The following ARSJ variants were observed in gnomAD, a reference collection of about 807,000 sequenced individuals.
ARSJ encodes the protein arylsulfatase family member J.
ARSJ carries 26 observed loss-of-function variants against 35.9 expected under a neutral mutation model. The observed-to-expected ratio is 0.72, with a 90% confidence interval of 0.53 to 1.00. The LOEUF (loss-of-function observed/expected upper bound fraction) is 1.00. Among genes scored for constraint, ARSJ ranks in the 50% least tolerant of loss-of-function variants. The pLI is 0.00. For synonymous variants in ARSJ, 294 were observed against 267.6 expected (o/e 1.10, Z -0.96); for missense variants, 667 against 723.6 (o/e 0.92, Z 0.90).
At chr4:113,905,446 C>T (rs1053135844) in intron 1 of ARSJ, among the ~76,000 whole-genome samples, 5 of 152,068 alleles carry the variant, frequency 3.3e-5, no homozygotes, top group Non-Finnish European at 1.5e-5. Flanking sequence ...AATTGCAACA[C>T]ACACTGATGT....
intron 1 of ARSJ, among the ~76,000 whole-genome samples, chr4:113,906,333 A>G (rs1178892803): frequency 1.3e-5 from 2 of 152,236 alleles, no homozygotes; most frequent in Admixed American, 1.3e-4. Flanking sequence ...GAGGCTTATG[A>G]AAAACATAAA....
At chr4:113,976,598 T>C (rs1179399771) in intron 1 of ARSJ, among the ~76,000 whole-genome samples, 2 of 152,222 alleles carry the variant, frequency 1.3e-5, no homozygotes, top group Non-Finnish European at 2.9e-5. Context: ...TGTGTTCATT[T>C]AAATGAAGGT....
chr4:113,946,879 GTTTAC>G (rs1394126781), intron 1 of ARSJ, among the ~76,000 whole-genome samples: 4 of 152,020 alleles, frequency 2.6e-5, no homozygotes, highest in East Asian at 3.9e-4. Flanking sequence ...TCTAAAATTT[GTTTAC>G]TTTATCAATT....
intron 1 of ARSJ, among the ~76,000 whole-genome samples, chr4:113,942,161 G>A (rs1010878384): frequency 5.3e-5 from 8 of 151,952 alleles, no homozygotes; most frequent in South Asian, 4.1e-4. Flanking sequence ...AGTGATAAAG[G>A]TTGGAAAAGC....
intron 1 of ARSJ, among the ~76,000 whole-genome samples, chr4:113,921,603 C>T (rs1419435986): frequency 2.0e-5 from 3 of 151,976 alleles, no homozygotes; most frequent in Non-Finnish European, 2.9e-5. Context: ...ATTTGTTCAC[C>T]CAGGCTGTAA....
intron 1 of ARSJ, among the ~76,000 whole-genome samples, chr4:113,942,116 G>A (rs1001801979): frequency 2.0e-5 from 3 of 151,878 alleles, no homozygotes; most frequent in Non-Finnish European, 4.4e-5. Context: ...GTGTAAGAAC[G>A]GTCAAGTTAA....
chr4:113,932,986 A>C (rs1246538273), intron 1 of ARSJ, among the ~76,000 whole-genome samples: 1 of 152,028 alleles, frequency 6.6e-6, no homozygotes, highest in African/African-American at 2.4e-5. Context: ...AAGAAAACAG[A>C]GAAGACCTAA....
chr4:113,964,950 G>GA (rs1053120248), intron 1 of ARSJ, among the ~76,000 whole-genome samples: 4 of 151,970 alleles, frequency 2.6e-5, no homozygotes, highest in Non-Finnish European at 4.4e-5. Context: ...AATATATGTG[G>GA]AAAAAAATTA....
chr4:113,948,842 T>A (rs1002551314), intron 1 of ARSJ, among the ~76,000 whole-genome samples: 1 of 152,126 alleles, frequency 6.6e-6, no homozygotes, highest in African/African-American at 2.4e-5. Flanking sequence ...ATTTTCTGTA[T>A]CTCTTCATTG....
At chr4:113,966,270 T>C (rs1726887158) in intron 1 of ARSJ, among the ~76,000 whole-genome samples, 1 of 152,078 alleles carries the variant, frequency 6.6e-6, no homozygotes, top group South Asian at 2.1e-4. Context: ...GTCAAGTAAA[T>C]TGTGCACTTT....
intron 1 of ARSJ, among the ~76,000 whole-genome samples, chr4:113,958,769 C>A (rs59504047): frequency 0.043 from 6,544 of 152,068 alleles, 459 homozygotes; most frequent in African/African-American, 0.15. Context: ...ATTTACCTCT[C>A]TCATTTCTTT....
rs547526009 is a variant in ARSJ at position 113,940,128 on chromosome 4, T to C, written c.399-36453A>G. Among the ~76,000 whole-genome samples, 78 of 152,162 alleles carry C rather than the reference T, an allele frequency of 5.1e-4. 1 individual carries two copies. The highest frequency in any genetic ancestry group is 1.6e-3 in the African/African-American group (65 of 41,538). On this transcript the variant is annotated intron_variant, in intron 1 of 1. Transcript: ENST00000315366. ...CAAAAACACCATTTGCCCCAGCAAT[T>C]TCATTGCTGGGTTTACACCCAAAGG...
At chr4:113,972,325 C>G (rs796322121) in intron 1 of ARSJ, among the ~76,000 whole-genome samples, 1 of 142,252 alleles carries the variant, frequency 7.0e-6, no homozygotes. Context: ...AAAACCCCAC[C>G]ATGATTTTCA....
chr4:113,901,850 C>G lies in ARSJ; in HGVS notation c.*424G>C. 1 of 185,984 alleles carries G rather than the reference C, an allele frequency of 5.4e-6. No homozygotes were observed. Among genetic ancestry groups the G allele is most frequent in the Non-Finnish European group, 1.1e-5 (1 of 88,824 alleles). The allele number at this position is 185,984 out of a possible 1,614,324, so 11.5% of individuals were successfully genotyped here. On this transcript the variant is annotated 3_prime_UTR_variant, in exon 2 of 2. Coordinates refer to ENST00000315366, the MANE Select transcript of ARSJ (RefSeq NM_024590.4). Reference sequence around the variant, plus strand: ...GTAATTTATCAAAGGTAGTTTTAATCATGCTACCCTGTAACTTCCATCAAA... The same window carrying G: ...GTAATTTATCAAAGGTAGTTTTAATGATGCTACCCTGTAACTTCCATCAAA...
chr4:113,924,066 AATATATATAAAT>A (rs1562345589), intron 1 of ARSJ, among the ~76,000 whole-genome samples: 29 of 107,438 alleles, frequency 2.7e-4, no homozygotes, highest in Admixed American at 5.6e-4. Context: ...AATATATATA[AATATATATAAAT>A]ATATATATAT....
chr4:113,909,876 C>T (rs1008526560), intron 1 of ARSJ, among the ~76,000 whole-genome samples: 2 of 152,102 alleles, frequency 1.3e-5, no homozygotes, highest in African/African-American at 4.8e-5. Context: ...ATCAGAACAG[C>T]TTCACAGTAC....
At position 113,978,915 on chromosome 4, in the gene ARSJ, C is replaced by T. The variant is rs1715886480; in HGVS notation, c.-81G>A. ...CGGGCGCACACATGCACCCAACAGA[C>T]GGTGAAGACTCTCCACCTGGCAAGA... On this transcript the variant is annotated 5_prime_UTR_variant, in exon 1 of 2. Transcript: ENST00000315366. 7 of 1,415,888 alleles carry T rather than the reference C, an allele frequency of 4.9e-6. No individual in the cohort carries two copies. In the South Asian group the frequency reaches 9.6e-5, roughly 20 times the overall value. 87.7% of individuals were successfully genotyped at this position (1,415,888 alleles called of 1,614,324 possible). A position where few individuals can be genotyped will look rare whatever the true frequency, so the allele number is the denominator to read the frequency against.
At position 113,961,217 on chromosome 4, in the gene ARSJ, G is replaced by A. The variant is rs377566894; in HGVS notation, c.398+17220C>T. Among the ~76,000 whole-genome samples the A allele has an allele frequency of 4.6e-3, 700 of 152,122 alleles. 5 individuals carry two copies. The highest frequency in any genetic ancestry group is 0.016 in the African/African-American group (671 of 41,532). On this transcript the variant is annotated intron_variant, in intron 1 of 1. Transcript: ENST00000315366. ...TAGCACTTACCCAACAACATAACCT[G>A]GGTTGCCTAAAGTTTTACACTTTAA...
At chr4:113,943,554 A>G (rs1037438012) in intron 1 of ARSJ, 26 of 152,120 alleles carry the variant, frequency 1.7e-4, no homozygotes, top group Non-Finnish European at 2.9e-5. Context: ...GAGGAGCCAG[A>G]TGATAAAAAA....
Sources: allele counts gnomAD v4.1 joint callset (sites outside exome capture counted in the v4.1 genomes callset), GRCh38; gene constraint gnomAD v4.1.1; transcripts MANE v1.5; gene names NCBI Gene and HGNC (gene_info 2026-07-23, HGNC 2026-07-21).